PPP1R1C: variants seen among roughly 807,000 people sequenced by gnomAD.
The protein encoded by PPP1R1C is protein phosphatase 1 regulatory inhibitor subunit 1C.
Under a neutral mutation model 17.4 loss-of-function variants are expected in PPP1R1C, and 15 were observed. That is an observed-to-expected ratio of 0.86 (90% CI 0.58 to 1.33). PPP1R1C has a LOEUF of 1.33. PPP1R1C is among the 40% of genes most tolerant of loss of function. The probability of loss-of-function intolerance (pLI) is 0.00; values close to 1 mark genes in which losing one functional copy is unlikely to be tolerated. For missense variants in PPP1R1C, 143 were observed against 130.0 expected, an observed-to-expected ratio of 1.10 and a Z score of -0.48; for synonymous variants, 35 against 43.1, an observed-to-expected ratio of 0.81 and a Z score of 0.73.
rs113337793 is a variant in PPP1R1C, at chr2:182,003,687, A to ATGTGTGTGTG, written c.142+15800_142+15809dup. The stretch of plus-strand genomic sequence containing the variant: ...AGTCAGCCTCTATGATTTTTGCTGG[A>ATGTGTGTGTG]TGTGTGTGTGTGTGTGTGTGTAGTG... On this transcript the variant is annotated intron_variant, in intron 2 of 4. Transcript: ENST00000682840. Among the ~76,000 whole-genome samples, 210 of 149,614 alleles carry ATGTGTGTGTG rather than the reference A, an allele frequency of 1.4e-3. 2 individuals carry two copies. The highest frequency in any genetic ancestry group is 4.7e-3 in the African/African-American group (194 of 40,844).
chr2:181,972,992 T>C (rs1235566034), intron 1 of PPP1R1C, among the ~76,000 whole-genome samples: 1 of 152,218 alleles, frequency 6.6e-6, no homozygotes, highest in East Asian at 1.9e-4. Context: ...TAATGAGTCA[T>C]ATGTTACGCT....
At chr2:181,994,011 G>A (rs1685542312) in intron 2 of PPP1R1C, among the ~76,000 whole-genome samples, 1 of 138,130 alleles carries the variant, frequency 7.2e-6, no homozygotes, top group South Asian at 2.3e-4. Flanking sequence ...CAGTAGTAGT[G>A]GGTAAGAAAA....
At chr2:181,987,776 G>C (rs750440102) in intron 1 of PPP1R1C, 63 bp from the exon 2 acceptor site, 32 of 1,542,190 alleles carry the variant, frequency 2.1e-5, no homozygotes, top group Non-Finnish European at 2.9e-5. Flanking sequence ...TTTGCAAGCT[G>C]CAGAGTAACC....
chr2:181,963,371 T>C (rs1684843967), intron 1 of PPP1R1C, among the ~76,000 whole-genome samples: 1 of 152,212 alleles, frequency 6.6e-6, no homozygotes, highest in African/African-American at 2.4e-5. Context: ...CCAGGCGCAA[T>C]GGCTTACGCC....
intron 4 of PPP1R1C, among the ~76,000 whole-genome samples, chr2:182,067,622 C>T (rs890695875): frequency 6.6e-6 from 1 of 152,116 alleles, no homozygotes; most frequent in Non-Finnish European, 1.5e-5. Context: ...TCAATGCCAC[C>T]ACTTATTAGC....
chr2:182,012,103 A>G (rs1574375781), intron 2 of PPP1R1C, among the ~76,000 whole-genome samples: 1 of 152,042 alleles, frequency 6.6e-6, no homozygotes, highest in South Asian at 2.1e-4. Flanking sequence ...CCATTGGATA[A>G]CCTGTAAATA....
chr2:182,051,260 A>T (rs1353113753), intron 2 of PPP1R1C, among the ~76,000 whole-genome samples: 1 of 152,206 alleles, frequency 6.6e-6, no homozygotes, highest in Non-Finnish European at 1.5e-5. Flanking sequence ...GAAAAACTTA[A>T]ATGCTGACCA....
intron 2 of PPP1R1C, among the ~76,000 whole-genome samples, chr2:182,014,684 A>G (rs1464079199): frequency 1.3e-5 from 2 of 152,004 alleles, no homozygotes; most frequent in African/African-American, 4.8e-5. Context: ...TGGGAGCCAG[A>G]GCCTAGAACA....
chr2:182,082,623 T>G (rs951315021), intron 4 of PPP1R1C, among the ~76,000 whole-genome samples: 5 of 152,074 alleles, frequency 3.3e-5, no homozygotes, highest in Non-Finnish European at 7.4e-5. Flanking sequence ...GAACATAGAC[T>G]CAATAAGTAC....
At position 182,041,609 on chromosome 2, in the gene PPP1R1C, C is replaced by CAAAA. The variant is rs71405472; in HGVS notation, c.143-19814_143-19811dup. On this transcript the variant is annotated intron_variant, in intron 2 of 4. Transcript: ENST00000682840. ...GGATGACAACAGAGAGACTCTGTCT[C>CAAAA]AAAAAAAAAAAAAAAAAAAAAATTG... Among the ~76,000 whole-genome samples, 403 of 58,370 alleles carry CAAAA rather than the reference C, an allele frequency of 6.9e-3. 12 individuals are homozygous for CAAAA. Among genetic ancestry groups the CAAAA allele is most frequent in the African/African-American group, 0.02 (354 of 17,754 alleles). The allele number at this position is 58,370 out of a possible 152,430, so 38.3% of individuals were successfully genotyped here. A position where few individuals can be genotyped will look rare whatever the true frequency, so the allele number is the denominator to read the frequency against.
chr2:182,006,299 A>G (rs911184999), intron 2 of PPP1R1C, among the ~76,000 whole-genome samples: 1 of 152,174 alleles, frequency 6.6e-6, no homozygotes, highest in African/African-American at 2.4e-5. Flanking sequence ...ATACACTTTG[A>G]TCTTCACTAG....
chr2:181,999,550 A>G (rs903514988), intron 2 of PPP1R1C, among the ~76,000 whole-genome samples: 2 of 151,984 alleles, frequency 1.3e-5, no homozygotes, highest in Non-Finnish European at 2.9e-5. Flanking sequence ...TTTCTATTTT[A>G]TTTGTCTTTT....
intron 2 of PPP1R1C, among the ~76,000 whole-genome samples, chr2:182,054,105 A>G (rs939009949): frequency 1.3e-5 from 2 of 152,072 alleles, no homozygotes; most frequent in African/African-American, 4.8e-5. Context: ...TCTCAGTAAC[A>G]TTTTTGATGT....
At chr2:181,966,063 T>C (rs1217760445) in intron 1 of PPP1R1C, among the ~76,000 whole-genome samples, 3 of 152,202 alleles carry the variant, frequency 2.0e-5, no homozygotes, top group Non-Finnish European at 4.4e-5. Flanking sequence ...ATTTTGCTTG[T>C]AGCAATTGTA....
intron 2 of PPP1R1C, among the ~76,000 whole-genome samples, chr2:182,021,859 A>G (rs1026432986): frequency 3.9e-5 from 6 of 152,234 alleles, no homozygotes; most frequent in African/African-American, 1.2e-4. Context: ...AAAGAAATGA[A>G]CGAACACTTT....
At chr2:182,079,444 A>T (rs1209625274) in intron 4 of PPP1R1C, among the ~76,000 whole-genome samples, 1 of 152,184 alleles carries the variant, frequency 6.6e-6, no homozygotes, top group Non-Finnish European at 1.5e-5. Flanking sequence ...ATCAGGTAAT[A>T]AAAAATAATA....
In PPP1R1C at chr2:181,962,388, A is replaced by C; in HGVS notation, n.111+7754A>C. ...GCGCCTGCATAGACGCTGGCCATGC[A>C]GCTGGCCGGCCGGGCGCCGTAGTTG... On this transcript the variant is annotated intron_variant and non_coding_transcript_variant, in intron 1 of 5. Coordinates refer to the PPP1R1C transcript ENST00000464264. The surrounding 1 kb of genome is among the most constrained non-coding windows in gnomAD (Gnocchi z 6.0). 1 of 803,486 alleles carries C rather than the reference A, an allele frequency of 1.2e-6. No homozygotes were observed. Among genetic ancestry groups the C allele is most frequent in the Non-Finnish European group, 2.1e-6 (1 of 476,480 alleles). 49.8% of individuals were successfully genotyped at this position (803,486 alleles called of 1,614,324 possible). A position where few individuals can be genotyped will look rare whatever the true frequency, so the allele number is the denominator to read the frequency against.
intron 4 of PPP1R1C, among the ~76,000 whole-genome samples, chr2:182,078,613 G>A (rs986882932): frequency 2.0e-5 from 3 of 152,128 alleles, no homozygotes; most frequent in Non-Finnish European, 4.4e-5. Flanking sequence ...CATTTGGTAC[G>A]GGAAAAAATA....
rs137953991 is a variant in PPP1R1C at position 181,968,010 on chromosome 2, C to T, written n.112-7209C>T. On this transcript the variant is annotated intron_variant and non_coding_transcript_variant, in intron 1 of 5. Coordinates refer to the PPP1R1C transcript ENST00000464264. ...GATTGCAGGCATAAGCCACTGTGCC[C>T]GGCCTGTTATCGATTTCTAGTTTTA... 2.6e-4 allele frequency among the ~76,000 whole-genome samples: 40 copies of T among 152,306 alleles called. No individual in the cohort carries two copies. The East Asian group carries it at 5.0e-3, about 19-fold the overall frequency.
Sources: allele counts gnomAD v4.1 joint callset (sites outside exome capture counted in the v4.1 genomes callset), GRCh38; gene constraint gnomAD v4.1.1; non-coding constraint Gnocchi (gnomAD v3.1); transcripts MANE v1.5; gene names NCBI Gene and HGNC (gene_info 2026-07-23, HGNC 2026-07-21).